The following CTNND2 variants were observed in gnomAD, a reference collection of about 807,000 sequenced individuals.
CTNND2 encodes catenin delta-2.
CTNND2 carries 22 observed loss-of-function variants against 144.4 expected under a neutral mutation model. The ratio of observed to expected loss-of-function variants is 0.15; its 90% CI spans 0.11 to 0.22. The LOEUF is 0.22. Ranked by LOEUF, CTNND2 falls within the 10% of genes least tolerant of loss-of-function variation. The pLI is 1.00. For missense variants in CTNND2, 1,353 were observed against 1,618.8 expected (o/e 0.84, Z 2.82); for synonymous variants, 751 against 695.6 (o/e 1.08, Z -1.25).
intron 10 of CTNND2, among the ~76,000 whole-genome samples, chr5:11,205,943 G>T (rs1737996362): frequency 1.3e-5 from 2 of 152,178 alleles, no homozygotes; most frequent in African/African-American, 4.8e-5. Context: ...TTACTTAAAT[G>T]CCTGTAAAGC....
rs192345712 is a variant in CTNND2 at position 11,019,871 on chromosome 5, A to C, written c.3000-1813T>G. On this transcript the variant is annotated intron_variant, in intron 17 of 21. Coordinates refer to ENST00000304623, the MANE Select transcript of CTNND2 (RefSeq NM_001332.4). The stretch of plus-strand genomic sequence containing the variant: ...TATAACTGTTAAAATTGGGGAAAAA[A>C]AACCAAATGTATTCTTGAGACAGAT... Among the ~76,000 whole-genome samples, 418 of 152,358 alleles carry C rather than the reference A, an allele frequency of 2.7e-3. 12 individuals carry two copies. Among genetic ancestry groups the C allele is most frequent in the Non-Finnish European group, 4.4e-4 (30 of 68,030 alleles).
chr5:11,435,315 T>C (rs1202093936), intron 3 of CTNND2, among the ~76,000 whole-genome samples: 2 of 151,808 alleles, frequency 1.3e-5, no homozygotes, highest in Admixed American at 6.6e-5. Flanking sequence ...ATTTTTTTTT[T>C]GTATTTTTAG....
chr5:11,526,419 C>G (rs1026895528), intron 3 of CTNND2, among the ~76,000 whole-genome samples: 43 of 152,102 alleles, frequency 2.8e-4, no homozygotes. Context: ...GTTTCCGGAA[C>G]CTATCGATGA....
chr5:11,432,591 G>A (rs1488771795), intron 3 of CTNND2, among the ~76,000 whole-genome samples: 2 of 152,162 alleles, frequency 1.3e-5, no homozygotes, highest in East Asian at 1.9e-4. Flanking sequence ...GTGGTGAAGC[G>A]GGAGGGGATG....
At chr5:11,243,832 A>C (rs2149915662) in intron 9 of CTNND2, among the ~76,000 whole-genome samples, 1 of 152,362 alleles carries the variant, frequency 6.6e-6, no homozygotes, top group East Asian at 1.9e-4. Context: ...CCCATTGAAA[A>C]GAGTCCCAGG....
intron 8 of CTNND2, among the ~76,000 whole-genome samples, chr5:11,356,134 C>A (rs1026031212): frequency 1.3e-5 from 2 of 151,994 alleles, no homozygotes; most frequent in African/African-American, 4.8e-5. Flanking sequence ...AAGTGATCTA[C>A]AGATTTACTA....
At chr5:11,882,548 ATTAAAAAGATTGTCT>A (rs566929486) in intron 1 of CTNND2, among the ~76,000 whole-genome samples, 13 of 152,224 alleles carry the variant, frequency 8.5e-5, no homozygotes, top group Non-Finnish European at 1.8e-4. Flanking sequence ...AAAAGCATGT[ATTAAAAAGATTGTCT>A]TTTCCCCCAC....
intron 9 of CTNND2, among the ~76,000 whole-genome samples, chr5:11,319,665 C>A (rs988493779): frequency 6.6e-6 from 1 of 152,126 alleles, no homozygotes. Context: ...GGATTACAGG[C>A]TCCTGCCACC....
rs111540845 is a variant in CTNND2, at chr5:10,987,921, A to C, written c.3343+190T>G. Among the ~76,000 whole-genome samples the C allele has an allele frequency of 4.6e-5, 7 of 152,232 alleles. No homozygotes were observed. The South Asian group carries it at 1.5e-3, about 32-fold the overall frequency. On this transcript the variant is annotated intron_variant, in intron 20 of 21. Transcript: ENST00000304623. ...ACATGGGTAGAAAACATTTTATCTT[A>C]GTTATGCCTCTATTCTTAGTCCCAA...
At chr5:11,564,835 T>C in intron 3 of CTNND2, 109 bp downstream of exon 3, 1 of 699,398 alleles carries the variant, frequency 1.4e-6, no homozygotes, top group Admixed American at 2.4e-5. Flanking sequence ...CTTTCCAACG[T>C]TTGACTGAAT....
chr5:11,307,745 T>C (rs1303406656), intron 9 of CTNND2, among the ~76,000 whole-genome samples: 1 of 152,244 alleles, frequency 6.6e-6, no homozygotes, highest in African/African-American at 2.4e-5. Flanking sequence ...ACATGCATTA[T>C]ATTAGACTCA....
At chr5:11,293,124 A>C (rs1748539179) in intron 9 of CTNND2, among the ~76,000 whole-genome samples, 1 of 151,946 alleles carries the variant, frequency 6.6e-6, no homozygotes. Context: ...GCTGGCTTAG[A>C]AGTTAAGCAC....
intron 2 of CTNND2, among the ~76,000 whole-genome samples, chr5:11,638,848 A>AT (rs1436567392): frequency 1.3e-5 from 2 of 152,186 alleles, no homozygotes; most frequent in African/African-American, 4.8e-5. Context: ...TGCTAGGATT[A>AT]TAGGCATGAG....
At chr5:11,441,785 G>A (rs1483687338) in intron 3 of CTNND2, among the ~76,000 whole-genome samples, 1 of 152,078 alleles carries the variant, frequency 6.6e-6, no homozygotes, top group African/African-American at 2.4e-5. Flanking sequence ...CTGGAGGGAA[G>A]TGCATCCATC....
At chr5:11,185,700 C>A (rs990149045) in intron 11 of CTNND2, among the ~76,000 whole-genome samples, 1 of 152,030 alleles carries the variant, frequency 6.6e-6, no homozygotes, top group Non-Finnish European at 1.5e-5. Flanking sequence ...TAACGGATAA[C>A]CAAAAAGGAA....
At chr5:11,323,431 A>G (rs999971137) in intron 9 of CTNND2, among the ~76,000 whole-genome samples, 2 of 152,140 alleles carry the variant, frequency 1.3e-5, no homozygotes, top group African/African-American at 4.8e-5. Context: ...ATCTATGATG[A>G]TGAACTAAGT....
At chr5:11,254,261 A>G (rs1286258541) in intron 9 of CTNND2, among the ~76,000 whole-genome samples, 2 of 152,178 alleles carry the variant, frequency 1.3e-5, no homozygotes, top group Non-Finnish European at 2.9e-5. Flanking sequence ...TTGGTAAAAG[A>G]AGCTCCCATC....
At chr5:11,311,656 C>T (rs947211634) in intron 9 of CTNND2, among the ~76,000 whole-genome samples, 2 of 145,730 alleles carry the variant, frequency 1.4e-5, no homozygotes, top group African/African-American at 2.5e-5. Flanking sequence ...CCCGATATAC[C>T]CTCAACTCAT....
At chr5:11,232,806 C>T (rs371458936) in intron 10 of CTNND2, among the ~76,000 whole-genome samples, 34 of 152,102 alleles carry the variant, frequency 2.2e-4, no homozygotes, top group African/African-American at 7.0e-4. Context: ...GGAATGATAT[C>T]GTTTGGCTCT....
Sources: gnomAD v4.1 joint callset for allele counts (sites outside exome capture counted in the v4.1 genomes callset) on GRCh38, gnomAD v4.1.1 for gene constraint, MANE v1.5 for transcripts, NCBI Gene and HGNC (gene_info 2026-07-23, HGNC 2026-07-21) for gene names.